SYNE1: variants seen among roughly 807,000 people sequenced by gnomAD.
SYNE1 encodes the protein nesprin-1.
SYNE1 carries 616 observed loss-of-function variants against 1,111.0 expected under a neutral mutation model. The observed-to-expected ratio is 0.55, with a 90% CI of 0.52 to 0.59. The LOEUF is 0.59. SYNE1 is among the 20% of genes least tolerant of loss of function. The pLI, the probability that SYNE1 is intolerant of heterozygous loss-of-function variation, is 0.00. For synonymous variants in SYNE1, 3,855 were observed against 3,825.8 expected, an observed-to-expected ratio of 1.01 and a Z score of -0.28; for missense variants, 10,006 against 10,417.0, an observed-to-expected ratio of 0.96 and a Z score of 1.72.
In SYNE1 at chr6:152,302,197, C is replaced by A. The variant is rs563760639; in HGVS notation, c.17347-134G>T. 216 of 1,179,542 alleles carry A rather than the reference C, an allele frequency of 1.8e-4. No homozygotes were observed. In the African/African-American group the frequency reaches 2.5e-3, roughly 14 times the overall value. 73.1% of individuals were successfully genotyped at this position (1,179,542 alleles called of 1,614,324 possible). ...GGGCCCGGGAGGCAGGATGTGTAGGCGGCGAGTCCTCCTGCATCTCGCTAC... is the reference window on the plus strand; with the variant it reads ...GGGCCCGGGAGGCAGGATGTGTAGGAGGCGAGTCCTCCTGCATCTCGCTAC... On this transcript the variant is annotated intron_variant, in intron 91 of 145. Transcript: ENST00000367255.
rs1355327162 is a variant in SYNE1, at chr6:152,369,493, C to T, written c.9629G>A (p.Arg3210Lys). Residue 3210 changes from arginine to lysine, a missense_variant, in exon 60 of 146, where the codon AGG becomes AAG. By Grantham distance (26) the Arg-to-Lys change is conservative (BLOSUM62 2). This residue lies in a region of SYNE1 where 4,955 missense variants were observed against 5,017.2 expected (regional missense o/e 0.99). Transcript: ENST00000367255. ...CACCTGGAGCTTCTGCTGCTCCCTC[C>T]TCTTTGCTGGCAGATCATAGAGGCG... ...SNRLYDLPAKRREQQKLQSVL... is the reference protein window; with the variant it reads ...SNRLYDLPAKKREQQKLQSVL... 5 of 1,614,036 alleles carry T rather than the reference C, an allele frequency of 3.1e-6. No homozygotes were observed. In the African/African-American group the frequency reaches 5.3e-5, roughly 17 times the overall value.
At chr6:152,263,572 A>G (rs1390336475) in intron 100 of SYNE1, among the ~76,000 whole-genome samples, 1 of 147,798 alleles carries the variant, frequency 6.8e-6, no homozygotes, top group South Asian at 2.2e-4. Flanking sequence ...TTTTTTTTTT[A>G]ATTCTTTGTA....
chr6:152,361,595 G>A (rs1320781768), intron 64 of SYNE1, among the ~76,000 whole-genome samples: 1 of 152,172 alleles, frequency 6.6e-6, no homozygotes, highest in East Asian at 1.9e-4. Context: ...AAGGATTTCT[G>A]TGTAGAAGAT....
Position 152,483,089 on chromosome 6 carries a change from T to A in SYNE1, c.1346A>T (p.His449Leu), listed in dbSNP as rs1414056275. 1 of 1,614,100 alleles carries A rather than the reference T, an allele frequency of 6.2e-7. No homozygotes were observed. Among genetic ancestry groups the A allele is most frequent in the African/African-American group, 1.3e-5 (1 of 74,952 alleles). The change falls in exon 14 of 146, where the codon CAT becomes CTT. Residue 449 changes from histidine to leucine, a missense_variant. Physicochemically the swap from His to Leu is moderately conservative, Grantham distance 99 (BLOSUM62 -3). Coordinates refer to ENST00000367255, the MANE Select transcript of SYNE1 (RefSeq NM_182961.4). ...ANTIQRKLEQ[H>L]KDLLQNTDAH... ...TTTTCCAACCAGAATTTTTACCTTATGTTGCTCAAGTTTCCGTTGTATCGT... is the reference window on the plus strand; with the variant it reads ...TTTTCCAACCAGAATTTTTACCTTAAGTTGCTCAAGTTTCCGTTGTATCGT...
intron 93 of SYNE1, 83 bp from the exon 94 acceptor site, chr6:152,294,210 A>ATACGG: frequency 7.0e-7 from 1 of 1,424,248 alleles, no homozygotes; most frequent in Non-Finnish European, 9.5e-7. Flanking sequence ...GGTCATGTCA[A>ATACGG]GGAAAGGTTT....
chr6:152,164,027 C>A, intron 131 of SYNE1, 136 bp downstream of exon 131: 1 of 1,202,598 alleles, frequency 8.3e-7, no homozygotes, highest in Non-Finnish European at 1.2e-6. Flanking sequence ...TAGGCAAAGC[C>A]CCCTTCCTCA....
rs753304628 is a variant in SYNE1 at position 152,130,768 on chromosome 6, T to C, written c.26105A>G (p.Lys8702Arg). 6.2e-7 allele frequency: 1 copy of C among 1,614,154 alleles called. No individual in the cohort carries two copies. Among genetic ancestry groups the C allele is most frequent in the South Asian group, 1.1e-5 (1 of 91,056 alleles). The part of the protein sequence containing the change: ...TPNRQKTPRG[K>R]CSLSQPGPSV... ...GGGTCCAGGCTGTGAGAGACTACACTTGCCTCGTGGCTGTTTGCAATGAAC... is the reference window on the plus strand; with the variant it reads ...GGGTCCAGGCTGTGAGAGACTACACCTGCCTCGTGGCTGTTTGCAATGAAC... The change falls in exon 145 of 146, where the codon AAG becomes AGG. Residue 8702 changes from lysine (K) to arginine (R), a missense_variant. This residue lies in a region of SYNE1 where 761 missense variants were observed against 795.5 expected (regional missense o/e 0.96). Transcript: ENST00000367255.
intron 3 of SYNE1, among the ~76,000 whole-genome samples, chr6:152,603,971 T>C (rs1415864288): frequency 2.8e-5 from 4 of 144,582 alleles, no homozygotes; most frequent in African/African-American, 1.0e-4. Flanking sequence ...TAAATATGTA[T>C]ATCTCTATAT....
chr6:152,127,676 C>A (rs11757691), intron 145 of SYNE1: 24,184 of 152,008 alleles, frequency 0.16, 1,960 homozygotes, highest in Non-Finnish European at 0.18. Flanking sequence ...TTCCTTGGGG[C>A]ACGGGTGAGC....
intron 63 of SYNE1, among the ~76,000 whole-genome samples, chr6:152,363,427 G>C (rs901683804): frequency 6.0e-5 from 9 of 150,900 alleles, no homozygotes; most frequent in African/African-American, 2.2e-4. Flanking sequence ...CCGGGAGGCG[G>C]AGCTCGCAGT....
At chr6:152,605,070 GAGGA>G (rs2099610848) in intron 3 of SYNE1, among the ~76,000 whole-genome samples, 2 of 35,760 alleles carry the variant, frequency 5.6e-5, no homozygotes, top group Admixed American at 2.4e-4. Flanking sequence ...GGGAGGGAGG[GAGGA>G]AAGAAGGAAG....
In SYNE1 at chr6:152,148,375, G is replaced by C; in HGVS notation, c.24646C>G (p.Pro8216Ala). ...YHKKLIRLPLPDDEHDLSDRE... is the reference protein window; with the variant it reads ...YHKKLIRLPLADDEHDLSDRE... ...TCTGAGAGGTCGTGCTCATCGTCTG[G>C]GAGCTAGAAGGGAAGTCAAGGCAAC... Residue 8216 changes from proline (P) to alanine (A), a missense_variant, in exon 137 of 146, where the codon CCA (proline) becomes GCA (alanine). Pro to Ala is a conservative substitution (Grantham distance 27). Around this residue, in one of 7 missense-constraint regions of SYNE1, gnomAD observed 761 missense variants for 795.5 expected, o/e 0.96. Transcript: ENST00000367255. This position sits in a 1 kb window ranked among gnomAD's most constrained non-coding sequence, Gnocchi z 4.1. The C allele has an allele frequency of 6.2e-7, 1 of 1,613,372 alleles. No individual in the cohort carries two copies. Among genetic ancestry groups the C allele is most frequent in the Non-Finnish European group, 8.5e-7 (1 of 1,179,826 alleles).
intron 11 of SYNE1, among the ~76,000 whole-genome samples, chr6:152,494,658 T>G (rs1364775770): frequency 6.6e-6 from 1 of 152,164 alleles, no homozygotes; most frequent in Non-Finnish European, 1.5e-5. Flanking sequence ...AAATATGCCT[T>G]CCATATCCTG....
intron 3 of SYNE1, among the ~76,000 whole-genome samples, chr6:152,615,429 T>C (rs1224834980): frequency 8.5e-5 from 1 of 11,770 alleles, no homozygotes; most frequent in African/African-American, 5.2e-4. Flanking sequence ...CTTGAAACTA[T>C]TTTTTTTTAA....
At chr6:152,284,924 G>A (rs778886768) in intron 95 of SYNE1, among the ~76,000 whole-genome samples, 42 of 152,012 alleles carry the variant, frequency 2.8e-4, no homozygotes, top group South Asian at 1.2e-3. Flanking sequence ...TTTCTATGTC[G>A]TCACACTACT....
intron 127 of SYNE1, among the ~76,000 whole-genome samples, chr6:152,201,407 A>C (rs1234217273): frequency 6.6e-6 from 1 of 151,196 alleles, no homozygotes; most frequent in Non-Finnish European, 1.5e-5. Context: ...TCCTTGCATA[A>C]TGGTCTAGAG....
At chr6:152,366,666 C>T (rs566472536) in intron 62 of SYNE1, among the ~76,000 whole-genome samples, 81 of 152,258 alleles carry the variant, frequency 5.3e-4, no homozygotes, top group Non-Finnish European at 8.2e-4. Context: ...TTCTATATTT[C>T]GACCTCCAAC....
In SYNE1 at chr6:152,330,598, C is replaced by T. The variant is rs776787640; in HGVS notation, c.14087G>A (p.Arg4696Lys). 6.2e-7 allele frequency: 1 copy of T among 1,613,584 alleles called. No individual in the cohort carries two copies. Among genetic ancestry groups the T allele is most frequent in the South Asian group, 1.1e-5 (1 of 91,076 alleles). Residue 4696 changes from arginine (R) to lysine (K), a missense_variant, in exon 78 of 146, where the codon AGG becomes AAG. This residue lies in a region of SYNE1 where 4,955 missense variants were observed against 5,017.2 expected (regional missense o/e 0.99). Transcript: ENST00000367255. ...CAGGTCGGTGGGAACTTTGCTCATC[C>T]TCAAGAATTGGGCTTCAAGTTCACT... ...SLSELEAQFL[R>K]MSKVPTDLAV...
At chr6:152,559,806 C>G (rs1331852438) in intron 3 of SYNE1, among the ~76,000 whole-genome samples, 1 of 151,968 alleles carries the variant, frequency 6.6e-6, no homozygotes, top group African/African-American at 2.4e-5. Context: ...GGAATCAAGA[C>G]TAGAAAACAA....
Sources: gnomAD v4.1 joint callset for allele counts (sites outside exome capture counted in the v4.1 genomes callset) on GRCh38, gnomAD v4.1.1 for gene constraint, gnomAD v4.1.1 regional missense constraint, Gnocchi (gnomAD v3.1) non-coding constraint, MANE v1.5 for transcripts, NCBI Gene and HGNC (gene_info 2026-07-23, HGNC 2026-07-21) for gene names.